The following FSTL4 variants were observed in gnomAD, a reference collection of about 807,000 sequenced individuals.
FSTL4 encodes the protein follistatin like 4.
Under a neutral mutation model 78.2 loss-of-function variants are expected in FSTL4, and 28 were observed. The ratio of observed to expected loss-of-function variants is 0.36; its 90% CI spans 0.27 to 0.49. FSTL4 has a LOEUF of 0.49. Ranked by LOEUF, FSTL4 falls within the 20% of genes least tolerant of loss-of-function variation. The probability of loss-of-function intolerance (pLI) is 0.98; values close to 1 mark genes in which losing one functional copy is unlikely to be tolerated. For synonymous variants in FSTL4, 422 were observed against 440.5 expected, an observed-to-expected ratio of 0.96 and a Z score of 0.53; for missense variants, 922 against 1,084.9, an observed-to-expected ratio of 0.85 and a Z score of 2.11.
rs547117609 is a variant in FSTL4, at chr5:133,238,483, G to C, written c.895-4946C>G. On this transcript the variant is annotated intron_variant, in intron 7 of 15. Coordinates refer to ENST00000265342, the MANE Select transcript of FSTL4 (RefSeq NM_015082.2). ...GATGGCCATTCCTCGAACACGTCTA[G>C]ACTTCCCTGGCCCTTATCCAGACCA... Among the ~76,000 whole-genome samples the C allele has an allele frequency of 2.0e-5, 3 of 152,314 alleles. No individual in the cohort carries two copies. In the East Asian group the frequency reaches 5.8e-4, roughly 29 times the overall value.
the FSTL4 span, among the ~76,000 whole-genome samples, chr5:133,752,141 C>A: frequency 6.6e-6 from 1 of 152,210 alleles, no homozygotes; most frequent in Non-Finnish European, 1.5e-5. Flanking sequence ...ATTGGGCCTG[C>A]CTTTGCCCAA....
chr5:133,365,005 T>C (rs907809660), intron 4 of FSTL4, among the ~76,000 whole-genome samples: 1 of 152,186 alleles, frequency 6.6e-6, no homozygotes. Context: ...GCCTCACAGA[T>C]GAAGACACGC....
intron 7 of FSTL4, among the ~76,000 whole-genome samples, chr5:133,239,194 G>C (rs1193065268): frequency 6.6e-6 from 1 of 152,144 alleles, no homozygotes; most frequent in East Asian, 1.9e-4. Flanking sequence ...GCAAGGCTCA[G>C]GATCTGCAGC....
At chr5:133,733,670 TTATC>T in the FSTL4 span, among the ~76,000 whole-genome samples, 1 of 152,256 alleles carries the variant, frequency 6.6e-6, no homozygotes, top group South Asian at 2.1e-4. Flanking sequence ...ACTCCATTAG[TTATC>T]TATCACTGCA....
At chr5:133,767,900 G>A in the FSTL4 span, among the ~76,000 whole-genome samples, 1 of 152,214 alleles carries the variant, frequency 6.6e-6, no homozygotes, top group South Asian at 2.1e-4. Context: ...AATGGAGTCT[G>A]GAGCTTTAGA....
At chr5:133,318,005 G>T (rs1753950604) in intron 4 of FSTL4, among the ~76,000 whole-genome samples, 1 of 152,094 alleles carries the variant, frequency 6.6e-6, no homozygotes, top group African/African-American at 2.4e-5. Flanking sequence ...GATAAGCCTG[G>T]ACAGCCCAAC....
intron 3 of FSTL4, 76 bp from the exon 4 acceptor site, chr5:133,401,062 C>A: frequency 6.5e-7 from 1 of 1,539,290 alleles, no homozygotes; most frequent in Non-Finnish European, 8.9e-7. Flanking sequence ...CTTTGTAGCT[C>A]ACAAGCACAG....
intron 4 of FSTL4, among the ~76,000 whole-genome samples, chr5:133,350,197 G>A (rs1428933106): frequency 6.6e-6 from 1 of 152,212 alleles, no homozygotes; most frequent in Non-Finnish European, 1.5e-5. Flanking sequence ...CCCATAGGAT[G>A]GACTTTGTTT....
chr5:133,720,883 TG>T, the FSTL4 span: 2 of 152,282 alleles, frequency 1.3e-5, no homozygotes, highest in Non-Finnish European at 2.9e-5. Flanking sequence ...CATTTGGGTG[TG>T]CCCCCAAAAA....
At chr5:133,239,403 G>T (rs1249354633) in intron 7 of FSTL4, among the ~76,000 whole-genome samples, 1 of 152,246 alleles carries the variant, frequency 6.6e-6, no homozygotes, top group Non-Finnish European at 1.5e-5. Flanking sequence ...AGGATCCACT[G>T]GGTGAAGCCA....
At chr5:133,364,596 C>T (rs1230050014) in intron 4 of FSTL4, among the ~76,000 whole-genome samples, 3 of 152,166 alleles carry the variant, frequency 2.0e-5, no homozygotes, top group African/African-American at 7.2e-5. Flanking sequence ...TAAATGAATC[C>T]TGAAGGAGAT....
intron 2 of FSTL4, among the ~76,000 whole-genome samples, chr5:133,582,588 G>A (rs1439801818): frequency 6.6e-6 from 1 of 152,180 alleles, no homozygotes; most frequent in Admixed American, 6.5e-5. Flanking sequence ...GTAGGCAACA[G>A]CTGGGAGACA....
chr5:133,622,494 A>G, the FSTL4 span, among the ~76,000 whole-genome samples: 1 of 152,202 alleles, frequency 6.6e-6, no homozygotes, highest in African/African-American at 2.4e-5. Flanking sequence ...AAGCCAAAAA[A>G]TAAAAGAACC....
At chr5:133,495,464 A>G (rs1351794249) in intron 3 of FSTL4, among the ~76,000 whole-genome samples, 1 of 152,270 alleles carries the variant, frequency 6.6e-6, no homozygotes, top group African/African-American at 2.4e-5. Flanking sequence ...GCGATAATCC[A>G]AATAACTGAG....
Position 133,224,223 on chromosome 5 carries a change from C to T in FSTL4, c.1313-7G>A. ...CGCCACAGGATGTTTGCAACTGCAG[C>T]AGCAGAGAATGAGGAAAGCAGGAGT... On this transcript the variant is annotated splice_region_variant and splice_polypyrimidine_tract_variant and intron_variant, in intron 10 of 15. Transcript: ENST00000265342. 6.2e-7 allele frequency: 1 copy of T among 1,611,568 alleles called. No homozygotes were observed.
At chr5:133,780,351 A>C in the FSTL4 span, among the ~76,000 whole-genome samples, 1 of 151,844 alleles carries the variant, frequency 6.6e-6, no homozygotes, top group African/African-American at 2.4e-5. Context: ...TTTTTCCTAC[A>C]ATGTCCTTTC....
the FSTL4 span, among the ~76,000 whole-genome samples, chr5:133,739,537 A>C: frequency 6.6e-6 from 1 of 152,152 alleles, no homozygotes; most frequent in Non-Finnish European, 1.5e-5. Flanking sequence ...TTCTGAGATG[A>C]GTAGAAATCA....
At chr5:133,436,166 A>G (rs1757028065) in intron 3 of FSTL4, among the ~76,000 whole-genome samples, 2 of 152,220 alleles carry the variant, frequency 1.3e-5, no homozygotes, top group Non-Finnish European at 2.9e-5. Context: ...AAGTATATGT[A>G]AAATTACAAT....
At chr5:133,740,189 C>A in the FSTL4 span, among the ~76,000 whole-genome samples, 14,797 of 152,156 alleles carry the variant, frequency 0.097, 1,013 homozygotes, top group Admixed American at 0.22. Context: ...CAGTCCGAAA[C>A]ATAAGCTCTT....
Sources: allele counts gnomAD v4.1 joint callset (sites outside exome capture counted in the v4.1 genomes callset), GRCh38; gene constraint gnomAD v4.1.1; transcripts MANE v1.5; gene names NCBI Gene and HGNC (gene_info 2026-07-23, HGNC 2026-07-21).